Variants in C5orf34 observed in about 807,000 individuals in gnomAD.
C5orf34 encodes uncharacterized protein C5orf34.
A neutral mutation model predicts 78.4 loss-of-function variants in C5orf34; 73 were observed. That is an observed-to-expected ratio of 0.93 (90% CI 0.77 to 1.13). The LOEUF is 1.13. C5orf34 is among the 50% of genes most tolerant of loss of function. The pLI is 0.00. For synonymous variants in C5orf34, 251 were observed against 246.6 expected, an observed-to-expected ratio of 1.02 and a Z score of -0.17; for missense variants, 730 against 732.7, an observed-to-expected ratio of 1.00 and a Z score of 0.04.
intron 4 of C5orf34, among the ~76,000 whole-genome samples, chr5:43,503,990 A>G (rs1194472706): frequency 3.9e-5 from 6 of 152,192 alleles, no homozygotes; most frequent in African/African-American, 1.4e-4. Context: ...ACAATTACAT[A>G]AATTAACAGT....
Position 43,505,739 on chromosome 5 carries a change from C to T in C5orf34, c.932+9G>A. 1 of 1,534,412 alleles carries T rather than the reference C, an allele frequency of 6.5e-7. No homozygotes were observed. The highest frequency in any genetic ancestry group is 8.8e-7 in the Non-Finnish European group (1 of 1,142,820). On this transcript the variant is annotated intron_variant, in intron 4 of 12. Transcript: ENST00000306862. ...AAAGCTTCATGACCAATAGCCATTA[C>T]TGCATTACCTGTGTAGGTGTGGGAC...
chr5:43,488,098 A>T, intron 11 of C5orf34, 149 bp from the exon 12 acceptor site: 3 of 616,294 alleles, frequency 4.9e-6, no homozygotes, highest in Non-Finnish European at 5.7e-6. Context: ...TTATTTAGCA[A>T]CAAATCAACT....
At chr5:43,500,535 ACACACAAG>A (rs1745714733) in intron 6 of C5orf34, among the ~76,000 whole-genome samples, 1 of 152,174 alleles carries the variant, frequency 6.6e-6, no homozygotes, top group Non-Finnish European at 1.5e-5. Flanking sequence ...AGCTGGGATT[ACACACAAG>A]CACCACCATG....
At chr5:43,495,410 G>T in intron 6 of C5orf34, 1 of 1,611,606 alleles carries the variant, frequency 6.2e-7, no homozygotes, top group Non-Finnish European at 8.5e-7. Flanking sequence ...TATTTGGCCT[G>T]GATGGTTCAG....
In C5orf34 at chr5:43,486,967, G is replaced by A. The variant is rs772495959; in HGVS notation, c.1865C>T (p.Thr622Ile). 6.4e-7 allele frequency: 1 copy of A among 1,564,674 alleles called. No individual in the cohort carries two copies. Among genetic ancestry groups the A allele is most frequent in the South Asian group, 1.2e-5 (1 of 82,330 alleles). Residue 622 changes from threonine (T) to isoleucine (I), a missense_variant, in exon 13 of 13, where the codon ACC (threonine) becomes ATC (isoleucine). Physicochemically the swap from Thr to Ile is moderately conservative, Grantham distance 89. Transcript: ENST00000306862. ...GTCAATATCGTGAAGGATTTCAGAGGTTTTTTTCAATGCTATTGATACTCT... is the reference window on the plus strand; with the variant it reads ...GTCAATATCGTGAAGGATTTCAGAGATTTTTTTCAATGCTATTGATACTCT... The part of the protein sequence containing the change: ...ENRVSIALKK[T>I]SEILHDIDCL...
rs143374727 is a variant in C5orf34 at position 43,494,535 on chromosome 5, C to T, written c.1219G>A (p.Gly407Ser). 33 of 1,604,658 alleles carry T rather than the reference C, an allele frequency of 2.1e-5. No individual in the cohort carries two copies. The East Asian group carries it at 3.1e-4, about 15-fold the overall frequency. Residue 407 changes from glycine (G) to serine (S), a missense_variant, in exon 7 of 13, where the codon GGT (glycine) becomes AGT (serine). Coordinates refer to ENST00000306862, the MANE Select transcript of C5orf34 (RefSeq NM_198566.4). ...PDRPGSPFTV[G>S]SLIKQATRIL... ...CTTGTTGCCTGTTTAATTAGAGAAC[C>T]GACAGTGAATGGACTTCCCGGTCTA... is the stretch of plus-strand genomic sequence containing the variant.
At chr5:43,495,055 A>G in intron 6 of C5orf34, 11 of 1,453,922 alleles carry the variant, frequency 7.6e-6, no homozygotes, top group Non-Finnish European at 1.1e-5. Flanking sequence ...GTTGGGTGGC[A>G]GGTATTAGGG....
rs780623957 is a variant in C5orf34 at position 43,492,237 on chromosome 5, C to T, written c.1558G>A (p.Glu520Lys). The stretch of plus-strand genomic sequence containing the variant: ...TACCTTTCATATGGTTCAGGGTGTT[C>T]AATCTGAATTAACTGCTCTTGTCCA... Reference protein sequence around the residue: ...PDGQEQLIQIEHPEPYERYVT... With the variant: ...PDGQEQLIQIKHPEPYERYVT... The change falls in exon 10 of 13, where the codon GAA (glutamate) becomes AAA (lysine). Residue 520 changes from glutamate (E) to lysine (K), a missense_variant. Coordinates refer to ENST00000306862, the MANE Select transcript of C5orf34 (RefSeq NM_198566.4). 1.2e-6 allele frequency: 2 copies of T among 1,611,492 alleles called. No homozygotes were observed. Among genetic ancestry groups the T allele is most frequent in the East Asian group, 2.2e-5 (1 of 44,744 alleles).
At chr5:43,507,163 T>C (rs1746017228) in intron 3 of C5orf34, among the ~76,000 whole-genome samples, 1 of 152,160 alleles carries the variant, frequency 6.6e-6, no homozygotes, top group Non-Finnish European at 1.5e-5. Flanking sequence ...CAAAGAAAAA[T>C]TGATTCTGAC....
At chr5:43,488,948 G>A (rs562758398) in intron 11 of C5orf34, among the ~76,000 whole-genome samples, 46 of 152,074 alleles carry the variant, frequency 3.0e-4, no homozygotes, top group African/African-American at 1.1e-3. Flanking sequence ...CAGATCACAT[G>A]CACCTCCCTG....
intron 6 of C5orf34, among the ~76,000 whole-genome samples, chr5:43,497,788 T>C (rs547453852): frequency 2.0e-5 from 3 of 152,378 alleles, no homozygotes; most frequent in South Asian, 4.1e-4. Context: ...TCTATTGGGC[T>C]TCTCTTTTGG....
chr5:43,506,385 T>G lies in C5orf34; in HGVS notation c.295A>C (p.Ile99Leu). 1.9e-6 allele frequency: 3 copies of G among 1,601,262 alleles called. No homozygotes were observed. The highest frequency in any genetic ancestry group is 2.6e-6 in the Non-Finnish European group (3 of 1,173,134). ...GGCCATCTCACTTCTGTTATGTCAA[T>G]GAAGATATGCTGCAAGGAGAGGGGA... is the stretch of plus-strand genomic sequence containing the variant. ...IPSERKKHIF[I>L]DITEVRWPSL... The change falls in exon 4 of 13, where the codon ATT (isoleucine) becomes CTT (leucine). Residue 99 changes from isoleucine (I) to leucine (L), a missense_variant. By Grantham distance (5) the Ile-to-Leu change is conservative (BLOSUM62 2). Coordinates refer to ENST00000306862, the MANE Select transcript of C5orf34 (RefSeq NM_198566.4).
At chr5:43,505,445 G>T in intron 4 of C5orf34, 1 of 283,190 alleles carries the variant, frequency 3.5e-6, no homozygotes, top group Non-Finnish European at 6.5e-6. Flanking sequence ...ATCTTTTTAG[G>T]TACAGTGACC....
intron 3 of C5orf34, among the ~76,000 whole-genome samples, chr5:43,506,802 T>A (rs1428271497): frequency 6.6e-6 from 1 of 151,978 alleles, no homozygotes; most frequent in East Asian, 1.9e-4. Flanking sequence ...TAGCTAAAAA[T>A]TTTTCTTTAA....
At chr5:43,495,525 C>T in intron 6 of C5orf34, 6 of 1,609,750 alleles carry the variant, frequency 3.7e-6, no homozygotes, top group South Asian at 1.1e-5. Context: ...ACATTCTTGA[C>T]ATTGAAGCCC....
intron 6 of C5orf34, among the ~76,000 whole-genome samples, chr5:43,497,478 A>G (rs769853225): frequency 2.0e-5 from 3 of 152,112 alleles, no homozygotes; most frequent in Non-Finnish European, 4.4e-5. Flanking sequence ...CCACCAAGAG[A>G]GTGCAGCTCA....
At position 43,490,687 on chromosome 5, in the gene C5orf34, C is replaced by G. The variant is rs1317745739; in HGVS notation, c.1623G>C (p.Gln541His). ...GAGTGGGCATCTCTCTGGGACTAGT[C>G]TGGGTCAGTCTCCTGCACCATGATG... The part of the protein sequence containing the change: ...TVTSWCRRLT[Q>H]TSPREMPTHS... Residue 541 changes from glutamine (Q) to histidine (H), a missense_variant, in exon 11 of 13, where the codon CAG becomes CAC. Gln to His is a conservative substitution (Grantham distance 24). Transcript: ENST00000306862. 6.2e-7 allele frequency: 1 copy of G among 1,610,992 alleles called. No individual in the cohort carries two copies. Among genetic ancestry groups the G allele is most frequent in the Non-Finnish European group, 8.5e-7 (1 of 1,177,510 alleles).
chr5:43,494,638 T>C (rs1476769823), intron 6 of C5orf34, 37 bp from the exon 7 acceptor site: 1 of 1,383,520 alleles, frequency 7.2e-7, no homozygotes, highest in Admixed American at 1.7e-5. Context: ...TCATTAATAA[T>C]AAATTTTGGC....
rs537505762 is a variant in C5orf34 at position 43,512,250 on chromosome 5, C to T, written c.-37+2556G>A. ...GTTTTTATTCCTTTCCAACACTAACCCCATCCCCTTCCACATTATCCCCTT... is the reference window on the plus strand; with the variant it reads ...GTTTTTATTCCTTTCCAACACTAACTCCATCCCCTTCCACATTATCCCCTT... On this transcript the variant is annotated intron_variant, in intron 1 of 12. Coordinates refer to ENST00000306862, the MANE Select transcript of C5orf34 (RefSeq NM_198566.4). Among the ~76,000 whole-genome samples, 5 of 152,260 alleles carry T rather than the reference C, an allele frequency of 3.3e-5. No homozygotes were observed. The East Asian group carries it at 7.7e-4, about 23-fold the overall frequency.
Sources: gnomAD v4.1 joint callset for allele counts (sites outside exome capture counted in the v4.1 genomes callset) on GRCh38, gnomAD v4.1.1 for gene constraint, MANE v1.5 for transcripts, NCBI Gene and HGNC (gene_info 2026-07-23, HGNC 2026-07-21) for gene names.